The following LGALS4 variants were observed in gnomAD, a reference collection of about 807,000 sequenced individuals.
LGALS4 encodes galectin-4.
In LGALS4, 37 loss-of-function variants were observed where a neutral mutation model predicts 39.6. That is an observed-to-expected ratio of 0.93 (90% CI 0.72 to 1.23). The LOEUF (loss-of-function observed/expected upper bound fraction) is 1.23. LGALS4 is among the 50% of genes most tolerant of loss of function. The pLI is 0.00. For missense variants in LGALS4, 397 were observed against 433.2 expected, an observed-to-expected ratio of 0.92 and a Z score of 0.74; for synonymous variants, 160 against 165.5, an observed-to-expected ratio of 0.97 and a Z score of 0.25.
At chr19:38,808,991 G>A (rs1053445470) in intron 2 of LGALS4, 43 bp from the exon 3 acceptor site, 13 of 1,497,094 alleles carry the variant, frequency 8.7e-6, no homozygotes, top group African/African-American at 1.4e-5. Context: ...GCCACCTCCC[G>A]GGGCCTGGGG....
chr19:38,801,750 G>GC lies in LGALS4; in HGVS notation c.*13dup. On this transcript the variant is annotated 3_prime_UTR_variant, in exon 10 of 10. Coordinates refer to ENST00000307751, the MANE Select transcript of LGALS4 (RefSeq NM_006149.4). The stretch of plus-strand genomic sequence containing the variant: ...TAATTCTGTTTTCCCATGAGTTATG[G>GC]CCCCAGGAATAGATTAGATCTGGAC... 1 of 1,613,524 alleles carries GC rather than the reference G, an allele frequency of 6.2e-7. No individual in the cohort carries two copies. Among genetic ancestry groups the GC allele is most frequent in the Non-Finnish European group, 8.5e-7 (1 of 1,179,656 alleles).
chr19:38,807,258 C>T (rs1419582059), intron 3 of LGALS4, among the ~76,000 whole-genome samples: 1 of 152,046 alleles, frequency 6.6e-6, no homozygotes, highest in East Asian at 1.9e-4. Flanking sequence ...GTCCCAGCTA[C>T]TCCGGAGGCT....
chr19:38,806,696 C>T (rs1971426186), intron 3 of LGALS4, 101 bp from the exon 4 acceptor site: 1 of 1,309,738 alleles, frequency 7.6e-7, no homozygotes, highest in Admixed American at 2.1e-5. Flanking sequence ...CCTCTAATCC[C>T]AGCACTTTGG....
intron 1 of LGALS4, 85 bp downstream of exon 1, chr19:38,812,757 C>T (rs771666304): frequency 1.7e-5 from 25 of 1,452,362 alleles, no homozygotes; most frequent in Non-Finnish European, 2.2e-5. Flanking sequence ...TCAGATGGGG[C>T]CCCCCAGGAT....
intron 3 of LGALS4, among the ~76,000 whole-genome samples, chr19:38,808,493 A>T (rs1043220939): frequency 6.6e-6 from 1 of 151,982 alleles, no homozygotes; most frequent in Non-Finnish European, 1.5e-5. Flanking sequence ...GCGTGGTGGC[A>T]CGCGCCTATA....
intron 3 of LGALS4, among the ~76,000 whole-genome samples, chr19:38,808,329 AAAAG>A (rs1971447519): frequency 2.0e-5 from 3 of 151,624 alleles, no homozygotes; most frequent in Admixed American, 2.0e-4. Context: ...AAAAAGAGGA[AAAAG>A]AAGGAAGGGG....
At chr19:38,802,295 C>G (rs1971366082) in intron 8 of LGALS4, 21 bp downstream of exon 8, 1 of 1,610,660 alleles carries the variant, frequency 6.2e-7, no homozygotes, top group East Asian at 2.2e-5. Flanking sequence ...GCTGGGGGTT[C>G]CCACCTAGTT....
At chr19:38,810,409 C>T (rs1440872701) in intron 2 of LGALS4, among the ~76,000 whole-genome samples, 1 of 133,706 alleles carries the variant, frequency 7.5e-6, no homozygotes, top group African/African-American at 2.9e-5. Flanking sequence ...TTCGCCCAGG[C>T]TGGAGTGCAG....
chr19:38,806,101 C>T (rs1446948684), intron 4 of LGALS4, among the ~76,000 whole-genome samples: 1 of 151,886 alleles, frequency 6.6e-6, no homozygotes, highest in East Asian at 1.9e-4. Flanking sequence ...ACTGCGGTGG[C>T]TCACGCCTGT....
chr19:38,803,061 T>C (rs1971379650), intron 7 of LGALS4: 1 of 140,702 alleles, frequency 7.1e-6, no homozygotes, highest in Non-Finnish European at 1.5e-5. Context: ...TGTCACCAGG[T>C]TGGAGTACTG....
intron 6 of LGALS4, 61 bp downstream of exon 6, chr19:38,803,681 C>T (rs765336117): frequency 6.9e-6 from 11 of 1,601,742 alleles, no homozygotes; most frequent in Non-Finnish European, 9.4e-6. Flanking sequence ...CTTAGCTCCC[C>T]CTACCCCAAT....
chr19:38,805,006 A>G (rs954740729), intron 4 of LGALS4, among the ~76,000 whole-genome samples: 1 of 151,408 alleles, frequency 6.6e-6, no homozygotes, highest in Non-Finnish European at 1.5e-5. Context: ...TTTACAAAAA[A>G]TTTAAAAACT....
At chr19:38,810,228 T>C (rs1361256020) in intron 2 of LGALS4, among the ~76,000 whole-genome samples, 1 of 152,126 alleles carries the variant, frequency 6.6e-6, no homozygotes, top group Non-Finnish European at 1.5e-5. Context: ...CGATCTCAGC[T>C]CACTGCAAAC....
At position 38,803,897 on chromosome 19, in the gene LGALS4, T is replaced by G; in HGVS notation, c.475-2A>C. 6.2e-7 allele frequency: 1 copy of G among 1,608,148 alleles called. No homozygotes were observed. On this transcript the variant is annotated splice_acceptor_variant, in intron 4 of 9. Coordinates refer to ENST00000307751, the MANE Select transcript of LGALS4 (RefSeq NM_006149.4). LOFTEE classifies it high-confidence loss of function. Reference sequence around the variant, plus strand: ...GTAAGGTGGCATCATCGGGGGTCCCTGTGGGCACAGAAAGAGAAAGCGGTT... The same window carrying G: ...GTAAGGTGGCATCATCGGGGGTCCCGGTGGGCACAGAAAGAGAAAGCGGTT...
intron 7 of LGALS4, 119 bp from the exon 8 acceptor site, chr19:38,802,523 CT>C: frequency 1.4e-6 from 1 of 722,364 alleles, no homozygotes; most frequent in Non-Finnish European, 2.4e-6. Context: ...GAGATGGGGT[CT>C]TACTCTGTCA....
chr19:38,812,899 C>A lies in LGALS4; in HGVS notation c.-13G>T. ...GGACATAGGCCATCGCTCGAGGCTGCGCTAGTGGCTGGTCCTGTGAGAAGA... is the reference window on the plus strand; with the variant it reads ...GGACATAGGCCATCGCTCGAGGCTGAGCTAGTGGCTGGTCCTGTGAGAAGA... On this transcript the variant is annotated 5_prime_UTR_variant, in exon 1 of 10. Transcript: ENST00000307751. 1 of 1,610,902 alleles carries A rather than the reference C, an allele frequency of 6.2e-7. No individual in the cohort carries two copies.
intron 4 of LGALS4, 139 bp from the exon 5 acceptor site, chr19:38,804,034 CGATCACA>C (rs1568350303): frequency 3.1e-6 from 3 of 967,668 alleles, no homozygotes; most frequent in Non-Finnish European, 4.8e-6. Context: ...GGTGGCACCC[CGATCACA>C]GATTCACGGA....
rs768759385 is a variant in LGALS4 at position 38,806,458 on chromosome 19, C to T, written c.474+3G>A. The T allele has an allele frequency of 2.5e-5, 41 of 1,613,946 alleles. No homozygotes were observed. The highest frequency in any genetic ancestry group is 3.5e-5 in the Non-Finnish European group (41 of 1,179,948). On this transcript the variant is annotated splice_donor_region_variant and intron_variant, in intron 4 of 9. Transcript: ENST00000307751. Reference sequence around the variant, plus strand: ...ACGCAAGAAGGGATGGGACCCCTCACACCTGGGGCCGGAGGGGCTGGCCTC... The same window carrying T: ...ACGCAAGAAGGGATGGGACCCCTCATACCTGGGGCCGGAGGGGCTGGCCTC...
At chr19:38,810,654 G>T (rs1228863975) in intron 2 of LGALS4, among the ~76,000 whole-genome samples, 2 of 151,968 alleles carry the variant, frequency 1.3e-5, no homozygotes, top group African/African-American at 4.8e-5. Flanking sequence ...GAGCCACCAC[G>T]CCCAGCCAGA....
Sources: gnomAD v4.1 joint callset for allele counts (sites outside exome capture counted in the v4.1 genomes callset) on GRCh38, gnomAD v4.1.1 for gene constraint, MANE v1.5 for transcripts, NCBI Gene and HGNC (gene_info 2026-07-23, HGNC 2026-07-21) for gene names.